Variants in COL11A1 observed in about 807,000 individuals in gnomAD.
COL11A1 encodes the protein collagen type XI alpha 1 chain, also known as collagen alpha-1(XI) chain.
A neutral mutation model predicts 265.2 loss-of-function variants in COL11A1; 74 were observed. That is an observed-to-expected ratio of 0.28 (90% CI 0.23 to 0.34). The LOEUF (loss-of-function observed/expected upper bound fraction) is 0.34. Among genes scored for constraint, COL11A1 ranks in the 10% least tolerant of loss-of-function variants. The pLI is 1.00. For synonymous variants in COL11A1, 816 were observed against 727.6 expected, an observed-to-expected ratio of 1.12 and a Z score of -1.96; for missense variants, 2,165 against 2,263.6, an observed-to-expected ratio of 0.96 and a Z score of 0.88.
At chr1:102,964,587 G>GGTGTGTGTGTGTGTGT (rs10627254) in intron 38 of COL11A1, among the ~76,000 whole-genome samples, 3 of 149,524 alleles carry the variant, frequency 2.0e-5, no homozygotes, top group African/African-American at 7.4e-5. Flanking sequence ...TTTCTCTAGG[G>GGTGTGTGTGTGTGTGT]GTGTGTGTGT....
At chr1:103,071,931 A>AT (rs934890808) in intron 4 of COL11A1, among the ~76,000 whole-genome samples, 56 of 150,340 alleles carry the variant, frequency 3.7e-4, no homozygotes, top group African/African-American at 1.2e-3. Flanking sequence ...ACATCAGCTC[A>AT]TTTTTTTTCT....
At chr1:103,057,252 C>T (rs758292079) in intron 4 of COL11A1, among the ~76,000 whole-genome samples, 1 of 152,080 alleles carries the variant, frequency 6.6e-6, no homozygotes, top group African/African-American at 2.4e-5. Context: ...GATTCCATCT[C>T]AGAAAAAAAC....
At position 102,913,667 on chromosome 1, in the gene COL11A1, G is replaced by A; in HGVS notation, c.4002C>T (p.Asp1334=). The A allele has an allele frequency of 6.2e-7, 1 of 1,613,262 alleles. No individual in the cohort carries two copies. Among genetic ancestry groups the A allele is most frequent in the Non-Finnish European group, 8.5e-7 (1 of 1,179,594 alleles). ...GACCAGGATCTCCATCTTCACCCTTGTCACCACCAACACCATCTTGACCCT... is the reference window on the plus strand; with the variant it reads ...GACCAGGATCTCCATCTTCACCCTTATCACCACCAACACCATCTTGACCCT... The part of the protein sequence containing the change: ...GPAGQDGVGG[D]KGEDGDPGQP... The change falls in exon 53 of 67, where the codon GAC becomes GAT. Residue 1334 remains aspartate, a synonymous_variant. Coordinates refer to ENST00000370096, the MANE Select transcript of COL11A1 (RefSeq NM_001854.4).
intron 1 of COL11A1, among the ~76,000 whole-genome samples, chr1:103,096,085 C>A (rs1673736931): frequency 6.6e-6 from 1 of 151,692 alleles, no homozygotes; most frequent in Non-Finnish European, 1.5e-5. Flanking sequence ...TGACTTGAAT[C>A]AACTTTTTTT....
At chr1:103,076,888 T>C (rs999152345) in intron 3 of COL11A1, among the ~76,000 whole-genome samples, 2 of 152,142 alleles carry the variant, frequency 1.3e-5, no homozygotes, top group African/African-American at 2.4e-5. Flanking sequence ...ATGGAATGAA[T>C]GTTCACTCAT....
At chr1:102,913,807 T>C in intron 52 of COL11A1, 117 bp from the exon 53 acceptor site, 1 of 915,782 alleles carries the variant, frequency 1.1e-6, no homozygotes, top group South Asian at 1.4e-5. Context: ...GATGGACAAG[T>C]AAAATCATTA....
intron 46 of COL11A1, among the ~76,000 whole-genome samples, chr1:102,931,959 A>G (rs1236852655): frequency 2.0e-5 from 3 of 150,404 alleles, no homozygotes; most frequent in Admixed American, 6.6e-5. Flanking sequence ...ATCTTCCTCC[A>G]TCCTTTTATT....
intron 4 of COL11A1, among the ~76,000 whole-genome samples, chr1:103,042,752 A>G (rs1668911727): frequency 6.6e-6 from 1 of 151,898 alleles, no homozygotes; most frequent in Admixed American, 6.6e-5. Flanking sequence ...TTTAGTCCTC[A>G]GGAAGGTAAT....
intron 36 of COL11A1, among the ~76,000 whole-genome samples, chr1:102,971,740 T>C (rs1661996761): frequency 6.6e-6 from 1 of 152,116 alleles, no homozygotes; most frequent in South Asian, 2.1e-4. Context: ...AAGTCATGTG[T>C]ATTGACATCC....
intron 44 of COL11A1, among the ~76,000 whole-genome samples, chr1:102,938,549 T>G (rs1307575122): frequency 6.6e-6 from 1 of 152,128 alleles, no homozygotes; most frequent in Non-Finnish European, 1.5e-5. Flanking sequence ...GAATATATAC[T>G]GGTAGTGACC....
intron 41 of COL11A1, among the ~76,000 whole-genome samples, chr1:102,952,306 C>T (rs1659968633): frequency 6.6e-6 from 1 of 152,164 alleles, no homozygotes; most frequent in African/African-American, 2.4e-5. Context: ...ACCATGTTGG[C>T]CAGGATGGTC....
intron 4 of COL11A1, among the ~76,000 whole-genome samples, chr1:103,071,743 T>C (rs543249565): frequency 1.4e-5 from 2 of 143,226 alleles, no homozygotes; most frequent in African/African-American, 5.1e-5. Flanking sequence ...TAGTTGCCCA[T>C]ATCAAAAGTT....
intron 4 of COL11A1, among the ~76,000 whole-genome samples, chr1:103,064,702 A>G (rs977350055): frequency 2.2e-5 from 3 of 137,672 alleles, no homozygotes; most frequent in African/African-American, 1.0e-4. Context: ...AAAAAAAAGA[A>G]AAAAAAAAAA....
rs1013858862 is a variant in COL11A1, at chr1:102,962,319, A to T, written c.3025-54T>A. 2.2e-5 allele frequency: 30 copies of T among 1,357,204 alleles called. No individual in the cohort carries two copies. In the African/African-American group the frequency reaches 3.9e-4, roughly 17 times the overall value. The allele number at this position is 1,357,204 out of a possible 1,614,324, so 84.1% of individuals were successfully genotyped here. On this transcript the variant is annotated intron_variant, in intron 39 of 66. Coordinates refer to ENST00000370096, the MANE Select transcript of COL11A1 (RefSeq NM_001854.4). ...CAGATTAATTTCTACACATCTTTCT[A>T]CAAACAAAATTGTGATTACCTCTAA...
At chr1:103,044,121 G>T (rs1247417914) in intron 4 of COL11A1, among the ~76,000 whole-genome samples, 1 of 149,584 alleles carries the variant, frequency 6.7e-6, no homozygotes, top group Non-Finnish European at 1.5e-5. Flanking sequence ...TATGCTTCCT[G>T]TCTACTTAGA....
At chr1:102,889,858 CAAT>C (rs1000292084) in intron 58 of COL11A1, among the ~76,000 whole-genome samples, 2 of 151,884 alleles carry the variant, frequency 1.3e-5, no homozygotes, top group Non-Finnish European at 2.9e-5. Flanking sequence ...ATCTCTAAAC[CAAT>C]AATGATCTCC....
intron 54 of COL11A1, among the ~76,000 whole-genome samples, chr1:102,901,223 G>A (rs1334928342): frequency 2.0e-5 from 3 of 151,956 alleles, no homozygotes; most frequent in African/African-American, 4.8e-5. Flanking sequence ...GGGAGGCTGA[G>A]GCAGGAGAAT....
chr1:103,043,047 T>C (rs1191468216), intron 4 of COL11A1, among the ~76,000 whole-genome samples: 7 of 136,774 alleles, frequency 5.1e-5, no homozygotes, highest in Middle Eastern at 3.7e-3. Context: ...ATACATCATA[T>C]ATATGAAACA....
chr1:102,904,536 C>G (rs1653655254), intron 54 of COL11A1, among the ~76,000 whole-genome samples: 1 of 150,766 alleles, frequency 6.6e-6, no homozygotes, highest in African/African-American at 2.5e-5. Flanking sequence ...AAGAAAAAAA[C>G]AAACAACCCC....
Sources: gnomAD v4.1 joint callset for allele counts (sites outside exome capture counted in the v4.1 genomes callset) on GRCh38, gnomAD v4.1.1 for gene constraint, MANE v1.5 for transcripts, NCBI Gene and HGNC (gene_info 2026-07-23, HGNC 2026-07-21) for gene names.